FOCAD: variants seen among roughly 807,000 people sequenced by gnomAD.
FOCAD encodes the protein KIAA1797.
FOCAD carries 198 observed loss-of-function variants against 225.6 expected under a neutral mutation model. The observed-to-expected ratio is 0.88, with a 90% CI of 0.78 to 0.99. The LOEUF is 0.99. FOCAD is among the 50% of genes least tolerant of loss of function. The pLI is 0.00. For missense variants in FOCAD, 2,713 were observed against 2,123.6 expected, an observed-to-expected ratio of 1.28 and a Z score of -5.46; for synonymous variants, 897 against 755.0, an observed-to-expected ratio of 1.19 and a Z score of -3.08.
chr9:20,820,390 A>G lies in FOCAD; in HGVS notation c.1627A>G (p.Thr543Ala). Reference sequence around the variant, plus strand: ...AACCACACCACGACTAAGAGCTGTCACTTTGCGCTTGCTGACATCTTTGTG... The same window carrying G: ...AACCACACCACGACTAAGAGCTGTCGCTTTGCGCTTGCTGACATCTTTGTG... ...LGTTPRLRAVTLRLLTSLWEK... is the reference protein window; with the variant it reads ...LGTTPRLRAVALRLLTSLWEK... Residue 543 changes from threonine (T) to alanine (A), a missense_variant, in exon 13 of 44, where the codon ACT (threonine) becomes GCT (alanine). Coordinates refer to ENST00000338382, the MANE Select transcript of FOCAD (RefSeq NM_001375567.1). 1 of 1,612,950 alleles carries G rather than the reference A, an allele frequency of 6.2e-7. No homozygotes were observed.
In FOCAD at chr9:20,903,843, G is replaced by A. The variant is rs1033445163; in HGVS notation, c.2626-3307G>A. 2.6e-5 allele frequency among the ~76,000 whole-genome samples: 4 copies of A among 151,798 alleles called. No individual in the cohort carries two copies. In the East Asian group the frequency reaches 5.8e-4, roughly 22 times the overall value. ...CTATCACCTCTATTTGGAAATGTTA[G>A]TTCCAAAACATTTCAATCTCCTCCT... On this transcript the variant is annotated intron_variant, in intron 21 of 43. Transcript: ENST00000338382.
chr9:20,787,025 C>T, intron 10 of FOCAD: 1 of 431,878 alleles, frequency 2.3e-6, no homozygotes, highest in South Asian at 1.8e-5. Context: ...TGGGACTGTG[C>T]CAGTGGCAGC....
rs1822521536 is a variant in FOCAD, at chr9:20,684,294, G to A, written c.-33+1G>A. On this transcript the variant is annotated splice_donor_variant, in intron 1 of 43. Coordinates refer to ENST00000338382, the MANE Select transcript of FOCAD (RefSeq NM_001375567.1). LOFTEE classifies it low-confidence loss of function (5UTR_SPLICE). ...GGGCTGAGCTTGTGGCAGAAGGGAG[G>A]TAAGCCGTGCGGGGCGGCGGGCTGC... The A allele has an allele frequency of 6.6e-6, 1 of 152,310 alleles. No individual in the cohort carries two copies. Among genetic ancestry groups the A allele is most frequent in the Non-Finnish European group, 1.5e-5 (1 of 68,138 alleles). 9.4% of individuals were successfully genotyped at this position (152,310 alleles called of 1,614,324 possible).
chr9:20,950,781 A>G (rs7031487), intron 33 of FOCAD, among the ~76,000 whole-genome samples: 1 of 152,198 alleles, frequency 6.6e-6, no homozygotes, highest in Non-Finnish European at 1.5e-5. Context: ...TAAATGATTG[A>G]TTGAATCATT....
chr9:20,762,056 C>G (rs1420016932), intron 6 of FOCAD, among the ~76,000 whole-genome samples: 1 of 152,126 alleles, frequency 6.6e-6, no homozygotes, highest in Non-Finnish European at 1.5e-5. Flanking sequence ...ATCATAATGG[C>G]ATCTTGGAAA....
intron 39 of FOCAD, among the ~76,000 whole-genome samples, chr9:20,982,694 C>T (rs1194354441): frequency 2.0e-5 from 3 of 152,172 alleles, no homozygotes; most frequent in Non-Finnish European, 4.4e-5. Flanking sequence ...CCACTTTGTC[C>T]TTCACCTGAT....
At chr9:20,936,935 C>T (rs958239051) in intron 28 of FOCAD, among the ~76,000 whole-genome samples, 2 of 152,110 alleles carry the variant, frequency 1.3e-5, no homozygotes, top group Non-Finnish European at 2.9e-5. Context: ...ACATCAATAA[C>T]AGACAAACAA....
At chr9:20,943,439 C>A (rs1444133864) in intron 28 of FOCAD, among the ~76,000 whole-genome samples, 1 of 145,670 alleles carries the variant, frequency 6.9e-6, no homozygotes, top group Non-Finnish European at 1.5e-5. Context: ...GCAGATGGGG[C>A]AGAAGGCTAG....
intron 4 of FOCAD, 142 bp from the exon 5 acceptor site, chr9:20,740,094 A>G (rs747210297): frequency 9.4e-5 from 53 of 561,818 alleles, no homozygotes; most frequent in Non-Finnish European, 1.6e-4. Context: ...GCTGTACTAT[A>G]GAATGAGTTG....
chr9:20,792,316 T>A (rs1426609900), intron 11 of FOCAD, among the ~76,000 whole-genome samples: 3 of 152,190 alleles, frequency 2.0e-5, no homozygotes, highest in Non-Finnish European at 4.4e-5. Context: ...AAAGTGTAAA[T>A]AGTTTAATAT....
chr9:20,792,994 A>T (rs1232252294), intron 11 of FOCAD, among the ~76,000 whole-genome samples: 1 of 152,182 alleles, frequency 6.6e-6, no homozygotes, highest in Non-Finnish European at 1.5e-5. Flanking sequence ...TCTATAAAAG[A>T]ACTTGCACAA....
At chr9:20,891,250 C>A (rs1313602945) in intron 21 of FOCAD, among the ~76,000 whole-genome samples, 1 of 152,074 alleles carries the variant, frequency 6.6e-6, no homozygotes, top group Non-Finnish European at 1.5e-5. Flanking sequence ...TGAGACACAA[C>A]AATATTGAAA....
intron 23 of FOCAD, 132 bp downstream of exon 23, chr9:20,913,086 A>T: frequency 1.5e-6 from 1 of 646,064 alleles, no homozygotes; most frequent in Middle Eastern, 2.6e-4. Context: ...AAATGACAGA[A>T]GAGCTGATAG....
intron 35 of FOCAD, among the ~76,000 whole-genome samples, chr9:20,966,190 A>G (rs967488631): frequency 6.6e-6 from 1 of 152,142 alleles, no homozygotes; most frequent in Non-Finnish European, 1.5e-5. Flanking sequence ...CGTTCTCGCC[A>G]ACACTTATTT....
intron 21 of FOCAD, among the ~76,000 whole-genome samples, chr9:20,886,516 T>C (rs1258724380): frequency 6.6e-6 from 1 of 152,210 alleles, no homozygotes; most frequent in Non-Finnish European, 1.5e-5. Flanking sequence ...GTGCAGGGGA[T>C]GGCAGAAGAC....
chr9:20,663,304 G>A (rs371120342), intron 2 of FOCAD, among the ~76,000 whole-genome samples: 1 of 152,080 alleles, frequency 6.6e-6, no homozygotes, highest in Non-Finnish European at 1.5e-5. Context: ...GTTACAGTGA[G>A]CTGTGATCAT....
intron 28 of FOCAD, among the ~76,000 whole-genome samples, chr9:20,940,283 CTTT>C (rs567390382): frequency 1.3e-4 from 17 of 133,482 alleles, no homozygotes; most frequent in Non-Finnish European, 9.7e-5. Flanking sequence ...GCAGTTCTCC[CTTT>C]TTTTTTTTTT....
At chr9:20,939,724 AT>A (rs1836441123) in intron 28 of FOCAD, among the ~76,000 whole-genome samples, 1 of 144,530 alleles carries the variant, frequency 6.9e-6, no homozygotes. Flanking sequence ...TTTATTTTTT[AT>A]TTTTTAAATT....
intron 30 of FOCAD, 23 bp from the exon 31 acceptor site, chr9:20,948,248 C>A: frequency 1.9e-6 from 3 of 1,565,514 alleles, no homozygotes; most frequent in East Asian, 2.3e-5. Flanking sequence ...TTTTCTTACC[C>A]CATTTTTATT....
Sources: allele counts gnomAD v4.1 joint callset (sites outside exome capture counted in the v4.1 genomes callset), GRCh38; gene constraint gnomAD v4.1.1; transcripts MANE v1.5; gene names NCBI Gene and HGNC (gene_info 2026-07-23, HGNC 2026-07-21).